Variants in SEMA5B observed in about 807,000 individuals in gnomAD.
SEMA5B encodes semaphorin-5B.
In SEMA5B, 66 loss-of-function variants were observed where a neutral mutation model predicts 135.0. The observed-to-expected ratio is 0.49, with a 90% CI of 0.40 to 0.60. The LOEUF (loss-of-function observed/expected upper bound fraction) is 0.60. Among genes scored for constraint, SEMA5B ranks in the 20% least tolerant of loss-of-function variants. SEMA5B has a pLI of 0.00. For synonymous variants in SEMA5B, 690 were observed against 639.5 expected (o/e 1.08, Z -1.19); for missense variants, 1,501 against 1,566.3 (o/e 0.96, Z 0.70).
At chr3:122,933,542 CT>C (rs1406389512) in intron 5 of SEMA5B, among the ~76,000 whole-genome samples, 3 of 152,066 alleles carry the variant, frequency 2.0e-5, no homozygotes, top group African/African-American at 7.2e-5. Flanking sequence ...TAGGACGGGT[CT>C]TTTTTGGGAA....
chr3:123,008,672 T>C (rs1368001436), intron 1 of SEMA5B, among the ~76,000 whole-genome samples: 1 of 152,142 alleles, frequency 6.6e-6, no homozygotes, highest in African/African-American at 2.4e-5. Flanking sequence ...GGGCTACGCA[T>C]TCAAAATCTT....
chr3:122,930,674 C>T (rs1560315134), intron 5 of SEMA5B, among the ~76,000 whole-genome samples: 1 of 152,220 alleles, frequency 6.6e-6, no homozygotes, highest in African/African-American at 2.4e-5. Context: ...GGGGCTGTAC[C>T]ATAAGAGGAG....
chr3:123,006,916 C>G (rs1413243644), intron 1 of SEMA5B, among the ~76,000 whole-genome samples: 1 of 152,176 alleles, frequency 6.6e-6, no homozygotes, highest in African/African-American at 2.4e-5. Context: ...CACTACAATC[C>G]CAGCTGCATT....
intron 1 of SEMA5B, among the ~76,000 whole-genome samples, chr3:122,969,675 C>T (rs1407275385): frequency 2.0e-5 from 3 of 152,206 alleles, no homozygotes; most frequent in Non-Finnish European, 4.4e-5. Flanking sequence ...ATTTCTGTGT[C>T]CCACTCACTG....
intron 1 of SEMA5B, among the ~76,000 whole-genome samples, chr3:122,987,981 A>G (rs951096020): frequency 6.6e-6 from 1 of 152,098 alleles, no homozygotes; most frequent in Non-Finnish European, 1.5e-5. Flanking sequence ...CAGCCATAGA[A>G]GGAAGTGCAG....
chr3:122,992,457 G>C (rs543184957), intron 1 of SEMA5B, among the ~76,000 whole-genome samples: 57 of 152,276 alleles, frequency 3.7e-4, no homozygotes, highest in African/African-American at 1.4e-3. Context: ...GAGCACCTGT[G>C]GGTGTGGGGC....
At chr3:123,025,181 AC>A (rs1475603870) in intron 1 of SEMA5B, among the ~76,000 whole-genome samples, 3 of 152,154 alleles carry the variant, frequency 2.0e-5, no homozygotes, top group Admixed American at 6.5e-5. Context: ...TGGTAAAGGA[AC>A]TTTTTCCCCT....
chr3:122,930,646 C>T (rs1938917782), intron 5 of SEMA5B, among the ~76,000 whole-genome samples: 1 of 152,222 alleles, frequency 6.6e-6, no homozygotes, highest in African/African-American at 2.4e-5. Context: ...AGGGGTCAGC[C>T]TTGATTCCAT....
intron 1 of SEMA5B, among the ~76,000 whole-genome samples, chr3:122,994,649 C>A (rs954423073): frequency 2.6e-5 from 4 of 152,152 alleles, no homozygotes; most frequent in Non-Finnish European, 5.9e-5. Context: ...TGAGAGGTGA[C>A]CGCCTAGGCA....
At chr3:122,923,522 T>C in intron 10 of SEMA5B, 95 bp downstream of exon 10, 1 of 1,411,422 alleles carries the variant, frequency 7.1e-7, no homozygotes, top group South Asian at 1.2e-5. Context: ...GGGTCTGGTG[T>C]CTGTCTGTGC....
intron 5 of SEMA5B, among the ~76,000 whole-genome samples, chr3:122,935,686 C>CTTTCTT (rs1939233868): frequency 1.1e-4 from 8 of 70,266 alleles, no homozygotes; most frequent in South Asian, 5.9e-4. Context: ...TTCTTTCTTT[C>CTTTCTT]TTTTTTTTTT....
intron 9 of SEMA5B, 134 bp downstream of exon 9, chr3:122,926,258 A>T: frequency 3.6e-6 from 3 of 838,154 alleles, no homozygotes; most frequent in Non-Finnish European, 5.5e-6. Context: ...CAGAAGCAGT[A>T]AGTCACAAAA....
At chr3:122,996,342 TTTGGC>T (rs1942022623) in intron 1 of SEMA5B, among the ~76,000 whole-genome samples, 1 of 152,258 alleles carries the variant, frequency 6.6e-6, no homozygotes, top group Non-Finnish European at 1.5e-5. Flanking sequence ...CGTCCCTGCC[TTTGGC>T]ACCACGGCTG....
At chr3:122,962,401 C>T (rs997343390) in intron 1 of SEMA5B, among the ~76,000 whole-genome samples, 10 of 152,080 alleles carry the variant, frequency 6.6e-5, no homozygotes, top group Non-Finnish European at 1.3e-4. Flanking sequence ...GACATGCAGG[C>T]CCGGCGGGTG....
At chr3:123,025,693 C>T (rs1942781614) in intron 1 of SEMA5B, among the ~76,000 whole-genome samples, 1 of 152,186 alleles carries the variant, frequency 6.6e-6, no homozygotes, top group African/African-American at 2.4e-5. Context: ...ACACACCTTT[C>T]CCAACACAGC....
chr3:122,955,323 G>A (rs886103719), intron 2 of SEMA5B, among the ~76,000 whole-genome samples: 10 of 152,154 alleles, frequency 6.6e-5, no homozygotes, highest in African/African-American at 2.4e-4. Flanking sequence ...TTGTGGAGAT[G>A]AAATAAGTTA....
At chr3:122,977,155 G>T (rs1162799441) in intron 1 of SEMA5B, among the ~76,000 whole-genome samples, 1 of 152,058 alleles carries the variant, frequency 6.6e-6, no homozygotes, top group Admixed American at 6.5e-5. Context: ...GCTATGAAAT[G>T]AGGAGGAGGA....
intron 1 of SEMA5B, among the ~76,000 whole-genome samples, chr3:123,014,502 G>C (rs1212445309): frequency 2.0e-5 from 3 of 152,262 alleles, no homozygotes; most frequent in Non-Finnish European, 4.4e-5. Flanking sequence ...AGTAGCATTA[G>C]TGGGACATAT....
At chr3:122,956,061 G>A (rs1940281759) in intron 2 of SEMA5B, among the ~76,000 whole-genome samples, 1 of 152,246 alleles carries the variant, frequency 6.6e-6, no homozygotes, top group African/African-American at 2.4e-5. Flanking sequence ...TGGGGAAGGG[G>A]GCACAGATGG....
Sources: gnomAD v4.1 joint callset for allele counts (sites outside exome capture counted in the v4.1 genomes callset) on GRCh38, gnomAD v4.1.1 for gene constraint, MANE v1.5 for transcripts, NCBI Gene and HGNC (gene_info 2026-07-23, HGNC 2026-07-21) for gene names.